The following SLC35F1 variants were observed in gnomAD, a reference collection of about 807,000 sequenced individuals.
SLC35F1 encodes the protein solute carrier family 35 member F1, also known as chromosome 6 open reading frame 169.
A neutral mutation model predicts 48.7 loss-of-function variants in SLC35F1; 14 were observed. The ratio of observed to expected loss-of-function variants is 0.29; its 90% CI spans 0.19 to 0.45. The LOEUF (loss-of-function observed/expected upper bound fraction) is 0.45, where lower values mean the gene tolerates loss of function less well. Ranked by LOEUF, SLC35F1 falls within the 20% of genes least tolerant of loss-of-function variation. The pLI is 1.00. For missense variants in SLC35F1, 404 were observed against 500.0 expected, an observed-to-expected ratio of 0.81 and a Z score of 1.83; for synonymous variants, 190 against 202.2, an observed-to-expected ratio of 0.94 and a Z score of 0.51.
intron 7 of SLC35F1, among the ~76,000 whole-genome samples, chr6:118,293,341 C>T (rs1776147533): frequency 6.6e-6 from 1 of 152,112 alleles, no homozygotes; most frequent in South Asian, 2.1e-4. Context: ...TTTCCAGCTT[C>T]TAGAGGCCAC....
At chr6:118,052,689 CTA>C (rs1772407950) in intron 1 of SLC35F1, among the ~76,000 whole-genome samples, 2 of 151,984 alleles carry the variant, frequency 1.3e-5, no homozygotes, top group African/African-American at 4.8e-5. Context: ...TATATTATCT[CTA>C]TGCATTTTTT....
At chr6:118,187,560 C>T (rs1774677618) in intron 2 of SLC35F1, among the ~76,000 whole-genome samples, 1 of 152,086 alleles carries the variant, frequency 6.6e-6, no homozygotes, top group African/African-American at 2.4e-5. Flanking sequence ...ATCAGTTTTC[C>T]CCTAGTTATC....
rs900984553 is a variant in SLC35F1 at position 118,193,471 on chromosome 6, CTTT to C, written c.349+38853_349+38855del. Among the ~76,000 whole-genome samples, 41 of 152,292 alleles carry C rather than the reference CTTT, an allele frequency of 2.7e-4. No homozygotes were observed. In the Middle Eastern group the frequency reaches 0.01, roughly 38 times the overall value. Reference sequence around the variant, plus strand: ...ACAAACCTTCCACAACTTGTTCAAACTTTTAGCTTTATCCTATCTAATATAAAA... The same window carrying C: ...ACAAACCTTCCACAACTTGTTCAAACTAGCTTTATCCTATCTAATATAAAA... On this transcript the variant is annotated intron_variant, in intron 2 of 7. Transcript: ENST00000360388.
At chr6:118,200,280 A>C (rs762943171) in intron 2 of SLC35F1, among the ~76,000 whole-genome samples, 9 of 152,216 alleles carry the variant, frequency 5.9e-5, no homozygotes, top group Admixed American at 1.3e-4. Context: ...AGGAGAAAAG[A>C]AACCTCAGTA....
At chr6:118,306,323 A>G (rs907851144) in intron 7 of SLC35F1, among the ~76,000 whole-genome samples, 1 of 152,222 alleles carries the variant, frequency 6.6e-6, no homozygotes, top group African/African-American at 2.4e-5. Context: ...TAACAGGGCT[A>G]ATAGAAAATG....
chr6:118,214,966 C>T (rs1775053046), intron 2 of SLC35F1, among the ~76,000 whole-genome samples: 1 of 152,142 alleles, frequency 6.6e-6, no homozygotes, highest in Non-Finnish European at 1.5e-5. Flanking sequence ...TGATAATTGA[C>T]AGGCACTGCC....
chr6:118,041,557 A>G (rs1772221090), intron 1 of SLC35F1, among the ~76,000 whole-genome samples: 2 of 152,208 alleles, frequency 1.3e-5, no homozygotes, highest in African/African-American at 4.8e-5. Context: ...GACAAAAATC[A>G]AGTAAATAAG....
chr6:118,094,064 G>A (rs1184245721), intron 1 of SLC35F1, among the ~76,000 whole-genome samples: 1 of 152,210 alleles, frequency 6.6e-6, no homozygotes, highest in African/African-American at 2.4e-5. Context: ...AATTTGCAGG[G>A]TGGGTTTTTA....
intron 2 of SLC35F1, among the ~76,000 whole-genome samples, chr6:118,157,349 A>C (rs1324239605): frequency 6.6e-6 from 1 of 152,118 alleles, no homozygotes; most frequent in Non-Finnish European, 1.5e-5. Context: ...CCCTCAGTGT[A>C]AGATGTAGTG....
chr6:117,920,473 C>T lies in SLC35F1; in HGVS notation c.173+12574C>T, dbSNP rs557776694. Among the ~76,000 whole-genome samples, 3 of 152,352 alleles carry T rather than the reference C, an allele frequency of 2.0e-5. No individual in the cohort carries two copies. In the East Asian group the frequency reaches 5.8e-4, roughly 29 times the overall value. On this transcript the variant is annotated intron_variant, in intron 1 of 7. Transcript: ENST00000360388. ...GGAACTAGTGCAAGTCAGTTTTTAACTACTTGCGGAGAAAGTCTGAAACGT... is the reference window on the plus strand; with the variant it reads ...GGAACTAGTGCAAGTCAGTTTTTAATTACTTGCGGAGAAAGTCTGAAACGT...
intron 1 of SLC35F1, among the ~76,000 whole-genome samples, chr6:117,917,118 T>C (rs1453430128): frequency 6.6e-6 from 1 of 152,102 alleles, no homozygotes; most frequent in African/African-American, 2.4e-5. Flanking sequence ...CTCTCTCTGA[T>C]GACACTGAAG....
intron 2 of SLC35F1, among the ~76,000 whole-genome samples, chr6:118,185,992 G>C (rs1271561490): frequency 6.6e-6 from 1 of 152,112 alleles, no homozygotes; most frequent in Non-Finnish European, 1.5e-5. Context: ...AAAAGGATTT[G>C]ATGTATTTAT....
Position 118,200,908 on chromosome 6 carries a change from C to T in SLC35F1, c.350-34601C>T, listed in dbSNP as rs150789935. Among the ~76,000 whole-genome samples, 350 of 151,956 alleles carry T rather than the reference C, an allele frequency of 2.3e-3. 3 individuals are homozygous for T. Among genetic ancestry groups the T allele is most frequent in the African/African-American group, 7.8e-3 (325 of 41,420 alleles). On this transcript the variant is annotated intron_variant, in intron 2 of 7. Coordinates refer to ENST00000360388, the MANE Select transcript of SLC35F1 (RefSeq NM_001029858.4). ...TTGATTTGGTTTGGTTTTTTAGAGACGGAGTCTCACTCTGTCATCCAAGCT... is the reference window on the plus strand; with the variant it reads ...TTGATTTGGTTTGGTTTTTTAGAGATGGAGTCTCACTCTGTCATCCAAGCT...
chr6:117,965,099 C>CA (rs1203354141), intron 1 of SLC35F1, among the ~76,000 whole-genome samples: 1 of 152,134 alleles, frequency 6.6e-6, no homozygotes, highest in African/African-American at 2.4e-5. Context: ...GTAGAACTGA[C>CA]AGTTGATTTT....
At chr6:118,086,256 C>G (rs970286384) in intron 1 of SLC35F1, among the ~76,000 whole-genome samples, 1 of 152,320 alleles carries the variant, frequency 6.6e-6, no homozygotes. Context: ...AGTTTGTAGG[C>G]TTTTCTTTCT....
intron 1 of SLC35F1, among the ~76,000 whole-genome samples, chr6:118,135,982 C>T (rs745880614): frequency 2.0e-5 from 3 of 152,222 alleles, no homozygotes; most frequent in South Asian, 2.1e-4. Flanking sequence ...ACTGGGCCTG[C>T]GAGAAGATGG....
At chr6:118,036,436 A>G (rs1171971532) in intron 1 of SLC35F1, among the ~76,000 whole-genome samples, 1 of 152,222 alleles carries the variant, frequency 6.6e-6, no homozygotes, top group Non-Finnish European at 1.5e-5. Flanking sequence ...ATCCAAGTCT[A>G]TGATCTCTCT....
At chr6:118,128,562 C>CA (rs1163101289) in intron 1 of SLC35F1, among the ~76,000 whole-genome samples, 3 of 151,134 alleles carry the variant, frequency 2.0e-5, no homozygotes, top group African/African-American at 7.3e-5. Context: ...ATCGCAAGGA[C>CA]AAAAAACCAA....
At chr6:118,181,286 GA>G (rs1442874962) in intron 2 of SLC35F1, among the ~76,000 whole-genome samples, 9 of 151,980 alleles carry the variant, frequency 5.9e-5, no homozygotes, top group Non-Finnish European at 1.5e-5. Flanking sequence ...TATGAATCTG[GA>G]AAAAAATTAA....
Sources: allele counts gnomAD v4.1 joint callset (sites outside exome capture counted in the v4.1 genomes callset), GRCh38; gene constraint gnomAD v4.1.1; transcripts MANE v1.5; gene names NCBI Gene and HGNC (gene_info 2026-07-23, HGNC 2026-07-21).